Variants in DMXL1 observed in about 807,000 individuals in gnomAD.
DMXL1 encodes Dmx like 1.
DMXL1 carries 99 observed loss-of-function variants against 319.2 expected under a neutral mutation model. The ratio of observed to expected loss-of-function variants is 0.31; its 90% CI spans 0.26 to 0.37. The LOEUF (loss-of-function observed/expected upper bound fraction) is 0.37. Among genes scored for constraint, DMXL1 ranks in the 10% least tolerant of loss-of-function variants. The pLI is 1.00. For missense variants in DMXL1, 3,745 were observed against 3,595.6 expected, an observed-to-expected ratio of 1.04 and a Z score of -1.06; for synonymous variants, 1,385 against 1,235.2, an observed-to-expected ratio of 1.12 and a Z score of -2.54.
Position 119,173,776 on chromosome 5 carries a change from G to GTGTGTGTGTATATATA in DMXL1, c.6682-1484_6682-1483insGTGTGTGTATATATAT. ...TGTGTATATATATATATGTGTGTGT[G>GTGTGTGTGTATATATA]TATATATATATATATATATATAATG... is the stretch of plus-strand genomic sequence containing the variant. On this transcript the variant is annotated intron_variant, in intron 25 of 43. Coordinates refer to ENST00000539542, the MANE Select transcript of DMXL1 (RefSeq NM_001290321.3). Among the ~76,000 whole-genome samples the GTGTGTGTGTATATATA allele has an allele frequency of 7.1e-4, 48 of 67,172 alleles. 2 individuals carry two copies. In the South Asian group the frequency reaches 0.023, roughly 32 times the overall value. The allele number at this position is 67,172 out of a possible 152,430, so 44.1% of individuals were successfully genotyped here.
rs1172248828 is a variant in DMXL1 at position 119,134,148 on chromosome 5, C to G, written c.2224C>G (p.Leu742Val). ...HVSAFSNVAWLPTLIPSYCLG... is the reference protein window; with the variant it reads ...HVSAFSNVAWVPTLIPSYCLG... ...TTCTGCCTTTTCCAATGTGGCATGG[C>G]TGCCCACTCTTATACCCAGTTATTG... Residue 742 changes from leucine to valine, a missense_variant, in exon 12 of 44, where the codon CTG becomes GTG. Physicochemically the swap from Leu to Val is conservative, Grantham distance 32. Transcript: ENST00000539542. 2.5e-6 allele frequency: 4 copies of G among 1,613,968 alleles called. No homozygotes were observed. In the Admixed American group the frequency reaches 6.7e-5, roughly 27 times the overall value.
Position 119,129,227 on chromosome 5 carries a change from A to T in DMXL1, c.1119A>T (p.Pro373=). ...INPATDIPLL[P]SITSLSLNEN... ...CTCTTATAGACATTCCACTTCTTCC[A>T]TCTATTACATCTCTGAGTCTAAATG... Residue 373 remains proline, a synonymous_variant, in exon 10 of 44, where the codon CCA becomes CCT. Transcript: ENST00000539542. The T allele has an allele frequency of 6.2e-7, 1 of 1,609,610 alleles. No individual in the cohort carries two copies. Among genetic ancestry groups the T allele is most frequent in the Non-Finnish European group, 8.5e-7 (1 of 1,177,638 alleles).
chr5:119,220,690 A>G, intron 36 of DMXL1, 97 bp downstream of exon 36: 7 of 1,448,620 alleles, frequency 4.8e-6, no homozygotes, highest in Non-Finnish European at 6.6e-6. Context: ...AGCAATGTAT[A>G]GATTGTAAGC....
chr5:119,146,558 T>C (rs1768586884), intron 15 of DMXL1, among the ~76,000 whole-genome samples: 1 of 152,000 alleles, frequency 6.6e-6, no homozygotes, highest in African/African-American at 2.4e-5. Context: ...AATTTCCTAC[T>C]TCTTATGGTT....
intron 1 of DMXL1, among the ~76,000 whole-genome samples, chr5:119,084,963 T>G (rs1753031669): frequency 6.6e-6 from 1 of 152,198 alleles, no homozygotes; most frequent in African/African-American, 2.4e-5. Context: ...TTTCCATTTT[T>G]TGTGTGTCTG....
chr5:119,104,737 A>G (rs1757965179), intron 3 of DMXL1, among the ~76,000 whole-genome samples: 1 of 152,244 alleles, frequency 6.6e-6, no homozygotes, highest in Non-Finnish European at 1.5e-5. Flanking sequence ...AAGAAGTTGT[A>G]AGGCCATAAA....
intron 34 of DMXL1, among the ~76,000 whole-genome samples, chr5:119,210,757 GTTTTTTT>G: frequency 1.1e-5 from 1 of 89,778 alleles, no homozygotes; most frequent in Non-Finnish European, 2.1e-5. Context: ...TTTTTCTTTC[GTTTTTTT>G]TTTTTTTTTT....
In DMXL1 at chr5:119,149,142, A is replaced by G. The variant is rs761155633; in HGVS notation, c.3315A>G (p.Val1105=). ...TTCATTTAGATGAGTTAAGCACAGT[A>G]TTGGATTCTGGCATTAGTGTTGATA... The part of the protein sequence containing the change: ...QTIHLDELST[V]LDSGISVDSN... The change falls in exon 18 of 44, where the codon GTA becomes GTG. Residue 1105 remains valine (V), a synonymous_variant. Coordinates refer to ENST00000539542, the MANE Select transcript of DMXL1 (RefSeq NM_001290321.3). The G allele has an allele frequency of 2.5e-6, 4 of 1,613,934 alleles. No individual in the cohort carries two copies. The highest frequency in any genetic ancestry group is 1.1e-5 in the South Asian group (1 of 91,082).
chr5:119,101,533 AT>A (rs1757279596), intron 2 of DMXL1, among the ~76,000 whole-genome samples: 1 of 152,230 alleles, frequency 6.6e-6, no homozygotes. Flanking sequence ...CCTAAGTTAT[AT>A]TTTTGAAAAG....
At chr5:119,138,117 C>T (rs1437410506) in intron 13 of DMXL1, among the ~76,000 whole-genome samples, 1 of 152,050 alleles carries the variant, frequency 6.6e-6, no homozygotes, top group Non-Finnish European at 1.5e-5. Flanking sequence ...GAACCAATTA[C>T]AGTAGTCCAG....
chr5:119,224,607 C>G (rs1412884537), intron 37 of DMXL1, 102 bp from the exon 38 acceptor site: 2 of 438,586 alleles, frequency 4.6e-6, no homozygotes, highest in African/African-American at 4.1e-5. Flanking sequence ...GTTATGAACT[C>G]ATGTAAAAAT....
Position 119,119,025 on chromosome 5 carries a change from A to G in DMXL1, c.933+21A>G, listed in dbSNP as rs375271214. 3 of 1,559,500 alleles carry G rather than the reference A, an allele frequency of 1.9e-6. No homozygotes were observed. In the African/African-American group the frequency reaches 4.1e-5, roughly 21 times the overall value. On this transcript the variant is annotated intron_variant, in intron 8 of 43. Transcript: ENST00000539542. ...TAGAAGTGAGTGTTTTTGTTACATTACTTACTACAAGTTTTAAAACCTTTG... is the reference window on the plus strand; with the variant it reads ...TAGAAGTGAGTGTTTTTGTTACATTGCTTACTACAAGTTTTAAAACCTTTG...
Position 119,129,261 on chromosome 5 carries a change from GAGA to G in DMXL1, c.1157_1159del (p.Lys386del). 2 of 1,613,464 alleles carry G rather than the reference GAGA, an allele frequency of 1.2e-6. No individual in the cohort carries two copies. The highest frequency in any genetic ancestry group is 1.7e-6 in the Non-Finnish European group (2 of 1,179,708). ...ATCTCTGAGTCTAAATGAAAATGAA[GAGA>G]AGACCGGACCTTTTGTTGTACACTG... On this transcript the variant is annotated inframe_deletion, in exon 10 of 44. Coordinates refer to ENST00000539542, the MANE Select transcript of DMXL1 (RefSeq NM_001290321.3).
At position 119,233,378 on chromosome 5, in the gene DMXL1, G is replaced by C; in HGVS notation, c.8377G>C (p.Glu2793Gln). 6.2e-7 allele frequency: 1 copy of C among 1,613,144 alleles called. No individual in the cohort carries two copies. The highest frequency in any genetic ancestry group is 8.5e-7 in the Non-Finnish European group (1 of 1,179,350). The stretch of plus-strand genomic sequence containing the variant: ...TCAAGATGGAAGTGTCAGAATGTTT[G>C]AATGGGGCCATTCTCAACAAATAAC... Reference protein sequence around the residue: ...GAQDGSVRMFEWGHSQQITCF... With the variant: ...GAQDGSVRMFQWGHSQQITCF... The change falls in exon 39 of 44, where the codon GAA (glutamate) becomes CAA (glutamine). Residue 2793 changes from glutamate to glutamine, a missense_variant. By Grantham distance (29) the Glu-to-Gln change is conservative. Transcript: ENST00000539542.
chr5:119,141,411 AC>A (rs1187619366), intron 13 of DMXL1, among the ~76,000 whole-genome samples: 1 of 152,232 alleles, frequency 6.6e-6, no homozygotes, highest in Admixed American at 6.5e-5. Context: ...GTTTCAGGAT[AC>A]AAAAATTAAT....
At chr5:119,122,577 C>G (rs1478949113) in intron 9 of DMXL1, among the ~76,000 whole-genome samples, 1 of 151,408 alleles carries the variant, frequency 6.6e-6, no homozygotes, top group African/African-American at 2.4e-5. Context: ...GGGCTCCTCA[C>G]TTCTCTGACG....
chr5:119,122,082 G>T (rs1406631654), intron 9 of DMXL1, among the ~76,000 whole-genome samples: 1 of 141,086 alleles, frequency 7.1e-6, no homozygotes, highest in African/African-American at 2.6e-5. Flanking sequence ...CTGGCCGGGC[G>T]GGGGGCTGAC....
chr5:119,077,074 AG>A (rs1263125931), intron 1 of DMXL1, among the ~76,000 whole-genome samples: 2 of 152,196 alleles, frequency 1.3e-5, no homozygotes, highest in Non-Finnish European at 2.9e-5. Context: ...AGGCATGACC[AG>A]GAACTCCTGG....
intron 2 of DMXL1, among the ~76,000 whole-genome samples, chr5:119,098,696 A>C (rs1256530663): frequency 2.0e-5 from 3 of 152,240 alleles, no homozygotes; most frequent in Non-Finnish European, 4.4e-5. Context: ...GATCAGGTTA[A>C]ATACAGTTCC....
Sources: allele counts gnomAD v4.1 joint callset (sites outside exome capture counted in the v4.1 genomes callset), GRCh38; gene constraint gnomAD v4.1.1; transcripts MANE v1.5; gene names NCBI Gene and HGNC (gene_info 2026-07-23, HGNC 2026-07-21).